The following RIPOR2 variants were observed in gnomAD, a reference collection of about 807,000 sequenced individuals.
The protein encoded by RIPOR2 is rho family-interacting cell polarization regulator 2.
RIPOR2 carries 39 observed loss-of-function variants against 114.5 expected under a neutral mutation model. The observed-to-expected ratio is 0.34, with a 90% CI of 0.26 to 0.44. RIPOR2 has a LOEUF of 0.44. RIPOR2 is among the 20% of genes least tolerant of loss of function. The pLI, the probability that RIPOR2 is intolerant of heterozygous loss-of-function variation, is 1.00. For missense variants in RIPOR2, 1,007 were observed against 1,255.1 expected, an observed-to-expected ratio of 0.80 and a Z score of 2.99; for synonymous variants, 445 against 484.4, an observed-to-expected ratio of 0.92 and a Z score of 1.07.
chr6:24,839,579 A>G, intron 13 of RIPOR2: 1 of 1,512,666 alleles, frequency 6.6e-7, no homozygotes. Flanking sequence ...ACTGGGATCC[A>G]TTAGAGGATC....
intron 1 of RIPOR2, among the ~76,000 whole-genome samples, chr6:24,913,710 G>C (rs1769847338): frequency 6.6e-6 from 1 of 152,106 alleles, no homozygotes; most frequent in African/African-American, 2.4e-5. Flanking sequence ...TTCATTCTTG[G>C]GTAGTTAATT....
At position 25,014,120 on chromosome 6, in the gene RIPOR2, G is replaced by A. The variant is rs186244289; in HGVS notation, c.76+27731C>T. ...TTAGGTTTTCCAGAATTCCCAGAGG[G>A]AAACAGAATTTTAGGCCTGGAGCAG... On this transcript the variant is annotated intron_variant, in intron 1 of 13. Transcript: ENST00000510784. 2.3e-3 allele frequency among the ~76,000 whole-genome samples: 346 copies of A among 152,270 alleles called. 1 individual carries two copies. Among genetic ancestry groups the A allele is most frequent in the African/African-American group, 5.9e-3 (244 of 41,550 alleles).
At chr6:24,909,452 C>CT (rs1299598436) in intron 1 of RIPOR2, among the ~76,000 whole-genome samples, 2 of 151,880 alleles carry the variant, frequency 1.3e-5, no homozygotes, top group Non-Finnish European at 2.9e-5. Context: ...TCCAAAATGG[C>CT]TGGAGGAGCA....
At chr6:25,010,857 A>C (rs190636111) in intron 1 of RIPOR2, among the ~76,000 whole-genome samples, 8 of 152,344 alleles carry the variant, frequency 5.3e-5, no homozygotes, top group Admixed American at 6.5e-5. Flanking sequence ...TTTGAGGAGC[A>C]TATAGGTTAT....
At chr6:25,033,471 T>C (rs903333950) in intron 1 of RIPOR2, among the ~76,000 whole-genome samples, 2 of 152,134 alleles carry the variant, frequency 1.3e-5, no homozygotes, top group Admixed American at 6.5e-5. Flanking sequence ...GGTATCAGCA[T>C]TTTTCCAAGA....
intron 1 of RIPOR2, among the ~76,000 whole-genome samples, chr6:25,033,747 G>C (rs724651): frequency 0.21 from 32,447 of 152,144 alleles, 3,832 homozygotes; most frequent in Middle Eastern, 0.35. Context: ...ACATCCTGTA[G>C]GTACTTGTTT....
chr6:25,009,413 C>A (rs551323334), intron 1 of RIPOR2, among the ~76,000 whole-genome samples: 1 of 152,182 alleles, frequency 6.6e-6, no homozygotes, highest in African/African-American at 2.4e-5. Flanking sequence ...CCTTAGAAAT[C>A]GTCTTACCAT....
intron 1 of RIPOR2, among the ~76,000 whole-genome samples, chr6:24,941,976 A>C (rs1772154608): frequency 6.6e-6 from 1 of 152,190 alleles, no homozygotes; most frequent in East Asian, 1.9e-4. Context: ...GGGAAAGTTT[A>C]AGGAGAATTA....
chr6:24,929,205 T>C (rs1357063431), intron 1 of RIPOR2: 1 of 152,144 alleles, frequency 6.6e-6, no homozygotes, highest in Non-Finnish European at 1.5e-5. Context: ...TTCTTTTTTT[T>C]TTTTTGGAAG....
intron 1 of RIPOR2, among the ~76,000 whole-genome samples, chr6:24,930,047 C>T (rs989281984): frequency 6.6e-6 from 1 of 152,206 alleles, no homozygotes; most frequent in Non-Finnish European, 1.5e-5. Context: ...TGCACTTCAG[C>T]CTGGGTGATA....
At chr6:24,962,059 C>A (rs1366311470) in intron 1 of RIPOR2, among the ~76,000 whole-genome samples, 1 of 152,128 alleles carries the variant, frequency 6.6e-6, no homozygotes, top group Non-Finnish European at 1.5e-5. Context: ...AAGCAGCAGC[C>A]AAATGCATAC....
chr6:24,867,934 C>A (rs958753399), intron 6 of RIPOR2, among the ~76,000 whole-genome samples: 1 of 152,134 alleles, frequency 6.6e-6, no homozygotes, highest in Admixed American at 6.5e-5. Context: ...TATCTAACAA[C>A]CATGGATGCA....
intron 1 of RIPOR2, among the ~76,000 whole-genome samples, chr6:25,007,883 C>T (rs1352564991): frequency 1.3e-5 from 2 of 152,008 alleles, no homozygotes; most frequent in African/African-American, 4.8e-5. Flanking sequence ...TGCTGTAGCC[C>T]CACCTGCCCT....
In RIPOR2 at chr6:24,841,907, C is replaced by T. The variant is rs139444315; in HGVS notation, c.1857+955G>A. Among the ~76,000 whole-genome samples, 564 of 152,184 alleles carry T rather than the reference C, an allele frequency of 3.7e-3. 2 individuals carry two copies. The highest frequency in any genetic ancestry group is 0.012 in the African/African-American group (503 of 41,530). On this transcript the variant is annotated intron_variant, in intron 13 of 21. Coordinates refer to ENST00000643898, the MANE Select transcript of RIPOR2 (RefSeq NM_001286445.3). ...TGCTGGGATTACAGGTGTGAGCCACCATGCCCAGCCAGGAAAACAGTCTTA... is the reference window on the plus strand; with the variant it reads ...TGCTGGGATTACAGGTGTGAGCCACTATGCCCAGCCAGGAAAACAGTCTTA...
At chr6:24,908,283 T>G (rs62402039) in intron 1 of RIPOR2, among the ~76,000 whole-genome samples, 215 of 152,224 alleles carry the variant, frequency 1.4e-3, no homozygotes, top group Non-Finnish European at 2.7e-3. Flanking sequence ...TTTTTAGACT[T>G]CTGACTTCTT....
chr6:25,023,923 T>C (rs1454639866), intron 1 of RIPOR2: 3 of 723,492 alleles, frequency 4.1e-6, no homozygotes, highest in East Asian at 5.4e-5. Flanking sequence ...TCCAGCCTCG[T>C]AGCTGATGTG....
intron 1 of RIPOR2, among the ~76,000 whole-genome samples, chr6:24,884,231 AC>A (rs1488274708): frequency 2.0e-5 from 3 of 150,180 alleles, no homozygotes; most frequent in African/African-American, 4.9e-5. Context: ...ACATGGTGAA[AC>A]CCCCGCCTCT....
chr6:24,907,339 TA>T (rs1167647670), intron 1 of RIPOR2, among the ~76,000 whole-genome samples: 3 of 152,210 alleles, frequency 2.0e-5, no homozygotes, highest in Admixed American at 2.0e-4. Flanking sequence ...CAATGCACAA[TA>T]AAATAAATTG....
At chr6:24,892,123 T>C (rs1409464070) in intron 1 of RIPOR2, among the ~76,000 whole-genome samples, 1 of 152,202 alleles carries the variant, frequency 6.6e-6, no homozygotes, top group Non-Finnish European at 1.5e-5. Flanking sequence ...CCTCACAAAG[T>C]GCTGGGATTA....
Sources: allele counts gnomAD v4.1 joint callset (sites outside exome capture counted in the v4.1 genomes callset), GRCh38; gene constraint gnomAD v4.1.1; transcripts MANE v1.5; gene names NCBI Gene and HGNC (gene_info 2026-07-23, HGNC 2026-07-21).